Variants in FOXP2 observed in about 807,000 individuals in gnomAD.
The protein encoded by FOXP2 is forkhead box P2.
FOXP2 carries 12 observed loss-of-function variants against 115.8 expected under a neutral mutation model. That is an observed-to-expected ratio of 0.10 (90% CI 0.07 to 0.17). The LOEUF is 0.17. Ranked by LOEUF, FOXP2 falls within the 10% of genes least tolerant of loss-of-function variation. FOXP2 has a pLI of 1.00. For synonymous variants in FOXP2, 328 were observed against 297.7 expected, an observed-to-expected ratio of 1.10 and a Z score of -1.05; for missense variants, 629 against 843.5, an observed-to-expected ratio of 0.75 and a Z score of 3.15.
At chr7:114,087,112 C>T (rs1799436131), upstream of FOXP2, among the ~76,000 whole-genome samples, 1 of 152,136 alleles carries the variant, frequency 6.6e-6, no homozygotes, top group South Asian at 2.1e-4. Context: ...CGGTTAGAAG[C>T]ACACACTTTA....
intron 2 of FOXP2, among the ~76,000 whole-genome samples, chr7:114,344,604 T>C (rs1287681723): frequency 6.6e-6 from 1 of 151,854 alleles, no homozygotes; most frequent in Non-Finnish European, 1.5e-5. Flanking sequence ...TAGAGAAATG[T>C]AGAGCTTTCT....
chr7:114,384,800 C>G (rs1562897347), intron 2 of FOXP2, among the ~76,000 whole-genome samples: 1 of 151,750 alleles, frequency 6.6e-6, no homozygotes, highest in Non-Finnish European at 1.5e-5. Flanking sequence ...GAGGTTTCCT[C>G]TAAAAGTTAC....
chr7:114,568,487 C>T (rs1461158314), intron 3 of FOXP2, among the ~76,000 whole-genome samples: 2 of 149,414 alleles, frequency 1.3e-5, no homozygotes, highest in Non-Finnish European at 3.0e-5. Context: ...TCAAGGTTAT[C>T]GTTTCGTTAA....
intron 1 of FOXP2, among the ~76,000 whole-genome samples, chr7:114,135,029 T>G (rs1273806199): frequency 6.6e-6 from 1 of 152,234 alleles, no homozygotes; most frequent in African/African-American, 2.4e-5. Context: ...TTTGTGCATA[T>G]ATCGTTGTCC....
intron 2 of FOXP2, among the ~76,000 whole-genome samples, chr7:114,501,481 T>C (rs1329695832): frequency 6.6e-6 from 1 of 152,120 alleles, no homozygotes; most frequent in Non-Finnish European, 1.5e-5. Flanking sequence ...GATTGATAGA[T>C]GTTGCATGTC....
intron 2 of FOXP2, among the ~76,000 whole-genome samples, chr7:114,385,186 A>G (rs1012590075): frequency 6.6e-6 from 1 of 151,416 alleles, no homozygotes; most frequent in Non-Finnish European, 1.5e-5. Context: ...CAGGGATAAG[A>G]CTCCCTGGGT....
intron 1 of FOXP2, among the ~76,000 whole-genome samples, chr7:114,223,713 T>C (rs1191619674): frequency 6.6e-6 from 1 of 151,230 alleles, no homozygotes; most frequent in Non-Finnish European, 1.5e-5. Context: ...TGGGCTCAAG[T>C]TATCATCATG....
chr7:114,328,937 T>C (rs1797628041), intron 2 of FOXP2, among the ~76,000 whole-genome samples: 1 of 152,234 alleles, frequency 6.6e-6, no homozygotes, highest in African/African-American at 2.4e-5. Context: ...TAGTACATTA[T>C]GCTGATGACC....
chr7:114,533,848 A>T (rs1213082690), intron 2 of FOXP2, among the ~76,000 whole-genome samples: 1 of 151,924 alleles, frequency 6.6e-6, no homozygotes, highest in Non-Finnish European at 1.5e-5. Flanking sequence ...ACATTTACTG[A>T]ACTGTTCCTC....
chr7:114,359,502 C>T (rs1443295843), intron 2 of FOXP2, among the ~76,000 whole-genome samples: 1 of 152,198 alleles, frequency 6.6e-6, no homozygotes, highest in East Asian at 1.9e-4. Flanking sequence ...ACAGCTTGTA[C>T]CATGGGCCTG....
At chr7:114,305,606 T>C (rs1473664116) in intron 2 of FOXP2, among the ~76,000 whole-genome samples, 2 of 152,140 alleles carry the variant, frequency 1.3e-5, no homozygotes, top group Non-Finnish European at 2.9e-5. Context: ...CATCCAGTCC[T>C]TATACATTTA....
chr7:114,247,062 T>C (rs1795302357), intron 1 of FOXP2, among the ~76,000 whole-genome samples: 1 of 152,216 alleles, frequency 6.6e-6, no homozygotes, highest in Non-Finnish European at 1.5e-5. Flanking sequence ...TTTCTATGTA[T>C]CATTTTTTAT....
intron 1 of FOXP2, among the ~76,000 whole-genome samples, chr7:114,094,959 C>T (rs1329809680): frequency 6.6e-6 from 1 of 152,212 alleles, no homozygotes. Flanking sequence ...ATGTTGTGAC[C>T]TGGCTATTCC....
chr7:114,214,350 A>G (rs1794435032), intron 1 of FOXP2, among the ~76,000 whole-genome samples: 1 of 152,176 alleles, frequency 6.6e-6, no homozygotes, highest in East Asian at 1.9e-4. Flanking sequence ...TATGACTTAA[A>G]CAGCAAAAGT....
intron 3 of FOXP2, among the ~76,000 whole-genome samples, chr7:114,545,946 G>A (rs1799903950): frequency 6.6e-6 from 1 of 152,006 alleles, no homozygotes. Context: ...TCTTGTTAAT[G>A]CATCTATTCT....
At chr7:114,344,978 A>G (rs975455564) in intron 2 of FOXP2, among the ~76,000 whole-genome samples, 3 of 151,840 alleles carry the variant, frequency 2.0e-5, no homozygotes, top group African/African-American at 7.2e-5. Context: ...GTGCATTTAA[A>G]AAGAATTGTA....
At chr7:114,146,624 C>T (rs1300639880) in intron 1 of FOXP2, among the ~76,000 whole-genome samples, 1 of 152,132 alleles carries the variant, frequency 6.6e-6, no homozygotes, top group African/African-American at 2.4e-5. Flanking sequence ...ATTTTGACAG[C>T]ATCTTTAGAA....
At chr7:114,412,600 T>G (rs890066469), upstream of FOXP2, among the ~76,000 whole-genome samples, 1 of 152,170 alleles carries the variant, frequency 6.6e-6, no homozygotes, top group Non-Finnish European at 1.5e-5. Context: ...TATAAATTAT[T>G]TAGGCCTGAA....
At position 114,241,454 on chromosome 7, in the gene FOXP2, C is replaced by A. The variant is rs573442564; in HGVS notation, c.-101-46565C>A. Among the ~76,000 whole-genome samples, 24 of 152,110 alleles carry A rather than the reference C, an allele frequency of 1.6e-4. No homozygotes were observed. In the South Asian group the frequency reaches 5.0e-3, roughly 32 times the overall value. On this transcript the variant is annotated intron_variant, in intron 1 of 17. Transcript: ENST00000634411. ...AAAAATACTGAATTTAAGTCATGCA[C>A]AAATCTATGAAATTATGTAGGGCTA...
Sources: allele counts gnomAD v4.1 joint callset (sites outside exome capture counted in the v4.1 genomes callset), GRCh38; gene constraint gnomAD v4.1.1; transcripts MANE v1.5; gene names NCBI Gene and HGNC (gene_info 2026-07-23, HGNC 2026-07-21).